The following ARAP2 variants were observed in gnomAD, a reference collection of about 807,000 sequenced individuals.
ARAP2 encodes arf-GAP with Rho-GAP domain, ANK repeat and PH domain-containing protein 2.
A neutral mutation model predicts 194.5 loss-of-function variants in ARAP2; 148 were observed. The ratio of observed to expected loss-of-function variants is 0.76; its 90% CI spans 0.67 to 0.87. The LOEUF is 0.87. ARAP2 is among the 40% of genes least tolerant of loss of function. The pLI, the probability that ARAP2 is intolerant of heterozygous loss-of-function variation, is 0.00. For synonymous variants in ARAP2, 695 were observed against 683.5 expected, an observed-to-expected ratio of 1.02 and a Z score of -0.26; for missense variants, 2,128 against 1,989.7, an observed-to-expected ratio of 1.07 and a Z score of -1.32.
rs554107973 is a variant in ARAP2 at position 36,121,145 on chromosome 4, C to A, written c.3894+34G>T. Reference sequence around the variant, plus strand: ...TTGTTGGCAAACAGTGACATTATAACCATTTTAACAAGGGCAGGATACAAA... The same window carrying A: ...TTGTTGGCAAACAGTGACATTATAAACATTTTAACAAGGGCAGGATACAAA... On this transcript the variant is annotated intron_variant, in intron 23 of 32. Coordinates refer to ENST00000303965, the MANE Select transcript of ARAP2 (RefSeq NM_015230.4). The A allele has an allele frequency of 1.4e-4, 205 of 1,505,128 alleles. 1 individual carries two copies. The East Asian group carries it at 4.6e-3, about 34-fold the overall frequency. The allele number at this position is 1,505,128 out of a possible 1,614,324, so 93.2% of individuals were successfully genotyped here.
chr4:36,114,318 C>T lies in ARAP2; in HGVS notation c.4039-31G>A, dbSNP rs765642795. 40 of 1,377,400 alleles carry T rather than the reference C, an allele frequency of 2.9e-5. No homozygotes were observed. The Admixed American group carries it at 4.0e-4, about 14-fold the overall frequency. The allele number at this position is 1,377,400 out of a possible 1,614,324, so 85.3% of individuals were successfully genotyped here. A position where few individuals can be genotyped will look rare whatever the true frequency, so the allele number is the denominator to read the frequency against. On this transcript the variant is annotated intron_variant, in intron 25 of 32. Coordinates refer to ENST00000303965, the MANE Select transcript of ARAP2 (RefSeq NM_015230.4). ...AGAGAAGTAATATTTTTTCAAAAAA[C>T]GTGTTAGACACAGAAGTAGCCTTAT...
At chr4:36,156,431 G>GAA (rs1297520612) in intron 15 of ARAP2, among the ~76,000 whole-genome samples, 1 of 21,920 alleles carries the variant, frequency 4.6e-5, no homozygotes, top group Non-Finnish European at 7.8e-5. Context: ...AAGAAAGAAA[G>GAA]AAAGAAAGAA....
intron 32 of ARAP2, among the ~76,000 whole-genome samples, 172 bp from the exon 33 acceptor site, chr4:36,068,450 A>G (rs1037532996): frequency 6.6e-6 from 1 of 152,254 alleles, no homozygotes; most frequent in Admixed American, 6.5e-5. Flanking sequence ...TACTAATCTT[A>G]GAGCTACAAA....
At chr4:36,181,576 GAT>G (rs1343048515) in intron 8 of ARAP2, among the ~76,000 whole-genome samples, 1 of 152,146 alleles carries the variant, frequency 6.6e-6, no homozygotes, top group Non-Finnish European at 1.5e-5. Context: ...CTTTACTTCT[GAT>G]ATGTTAATAT....
intron 19 of ARAP2, among the ~76,000 whole-genome samples, chr4:36,136,007 T>A (rs17516414): frequency 0.011 from 1,642 of 151,900 alleles, 17 homozygotes; most frequent in Non-Finnish European, 0.015. Flanking sequence ...TGTCTCCTCA[T>A]GAATTAGTGA....
rs1410303464 is a variant in ARAP2, at chr4:36,066,638, A to G, written c.*1269T>C. 6.6e-6 allele frequency: 1 copy of G among 152,164 alleles called. No individual in the cohort carries two copies. The highest frequency in any genetic ancestry group is 2.4e-5 in the African/African-American group (1 of 41,448). The allele number at this position is 152,164 out of a possible 1,614,324, so 9.4% of individuals were successfully genotyped here. On this transcript the variant is annotated 3_prime_UTR_variant, in exon 33 of 33. Coordinates refer to ENST00000303965, the MANE Select transcript of ARAP2 (RefSeq NM_015230.4). ...CACCAGACAATCCAATTTTAAAGAA[A>G]CTGATGGAAAAATGCTTCCCCTAAC...
At chr4:36,013,285 T>C (rs1714885924) in intron 8 of ARAP2, among the ~76,000 whole-genome samples, 2 of 152,200 alleles carry the variant, frequency 1.3e-5, no homozygotes, top group South Asian at 4.1e-4. Context: ...TGACTGCCGT[T>C]TAACTAAATG....
chr4:36,115,184 C>A (rs1190294911), intron 25 of ARAP2, among the ~76,000 whole-genome samples: 2 of 152,016 alleles, frequency 1.3e-5, no homozygotes, highest in African/African-American at 2.4e-5. Flanking sequence ...TATTTCACTG[C>A]AGGTAACTCG....
At chr4:36,081,151 C>G (rs1211622076) in intron 30 of ARAP2, among the ~76,000 whole-genome samples, 1 of 152,080 alleles carries the variant, frequency 6.6e-6, no homozygotes, top group African/African-American at 2.4e-5. Flanking sequence ...ATTACCATGT[C>G]CAGGCCACAA....
At chr4:36,181,133 C>T (rs951056609) in intron 8 of ARAP2, among the ~76,000 whole-genome samples, 1 of 152,162 alleles carries the variant, frequency 6.6e-6, no homozygotes, top group African/African-American at 2.4e-5. Flanking sequence ...TTACCGATAA[C>T]AAATATCTAT....
Position 36,159,393 on chromosome 4 carries a change from A to G in ARAP2, c.2555T>C (p.Leu852Pro). The change falls in exon 14 of 33, where the codon CTG becomes CCG. Residue 852 changes from leucine (L) to proline (P), a missense_variant. Physicochemically the swap from Leu to Pro is moderately conservative, Grantham distance 98. Coordinates refer to ENST00000303965, the MANE Select transcript of ARAP2 (RefSeq NM_015230.4). ...TGDPVHSTPY[L>P]LAKKAGQSLQ... ...ACTTTGCCCAGCTTTCTTGGCTAGC[A>G]GATAGGGGGTGCTATGCACGGGGTC... is the stretch of plus-strand genomic sequence containing the variant. The G allele has an allele frequency of 6.2e-7, 1 of 1,611,366 alleles. No individual in the cohort carries two copies. The highest frequency in any genetic ancestry group is 8.5e-7 in the Non-Finnish European group (1 of 1,178,286).
chr4:36,110,211 GT>G (rs1719555283), intron 26 of ARAP2, among the ~76,000 whole-genome samples: 1 of 151,674 alleles, frequency 6.6e-6, no homozygotes, highest in South Asian at 2.1e-4. Flanking sequence ...TCCCATGATG[GT>G]TTTCTCACAT....
chr4:36,100,461 T>C (rs1043954742), intron 27 of ARAP2, among the ~76,000 whole-genome samples: 1 of 152,106 alleles, frequency 6.6e-6, no homozygotes, highest in Non-Finnish European at 1.5e-5. Context: ...AGGGCACAAA[T>C]GGGCAGTTTC....
At chr4:36,112,161 C>A (rs952196825) in intron 26 of ARAP2, among the ~76,000 whole-genome samples, 1 of 151,830 alleles carries the variant, frequency 6.6e-6, no homozygotes, top group Non-Finnish European at 1.5e-5. Flanking sequence ...ACTTTTTTGC[C>A]CCACTTCAGT....
At chr4:36,085,231 G>C (rs1257739894) in intron 28 of ARAP2, among the ~76,000 whole-genome samples, 2 of 152,034 alleles carry the variant, frequency 1.3e-5, no homozygotes, top group East Asian at 3.9e-4. Flanking sequence ...CAAATATACT[G>C]GTCTTTTGGG....
intron 19 of ARAP2, among the ~76,000 whole-genome samples, chr4:36,136,946 A>G (rs1180384976): frequency 1.3e-5 from 2 of 151,730 alleles, no homozygotes; most frequent in South Asian, 2.1e-4. Flanking sequence ...ACACACACAC[A>G]CACACACACA....
At chr4:36,019,701 A>T (rs1246212620) in intron 5 of ARAP2, among the ~76,000 whole-genome samples, 1 of 152,148 alleles carries the variant, frequency 6.6e-6, no homozygotes, top group Non-Finnish European at 1.5e-5. Flanking sequence ...AAAAGGTATG[A>T]GATGAGATAG....
chr4:36,156,510 G>GAGGAAGGA (rs56696370), intron 15 of ARAP2, among the ~76,000 whole-genome samples: 166 of 144,098 alleles, frequency 1.2e-3, no homozygotes, highest in African/African-American at 2.8e-3. Flanking sequence ...AGGAAGGAGG[G>GAGGAAGGA]AGGAAGGAAG....
intron 8 of ARAP2, among the ~76,000 whole-genome samples, chr4:36,182,719 A>G (rs1369302601): frequency 6.6e-6 from 1 of 152,160 alleles, no homozygotes; most frequent in Non-Finnish European, 1.5e-5. Context: ...AGTCAAACTG[A>G]TGGACTAGAT....
Sources: gnomAD v4.1 joint callset for allele counts (sites outside exome capture counted in the v4.1 genomes callset) on GRCh38, gnomAD v4.1.1 for gene constraint, MANE v1.5 for transcripts, NCBI Gene and HGNC (gene_info 2026-07-23, HGNC 2026-07-21) for gene names.